Variants in TAFA1 observed in about 807,000 individuals in gnomAD.
The protein encoded by TAFA1 is TAFA chemokine like family member 1.
A neutral mutation model predicts 18.5 loss-of-function variants in TAFA1; 4 were observed. The ratio of observed to expected loss-of-function variants is 0.22; its 90% confidence interval spans 0.11 to 0.49. The LOEUF (loss-of-function observed/expected upper bound fraction) is 0.49. Ranked by LOEUF, TAFA1 falls within the 20% of genes least tolerant of loss-of-function variation. The pLI, the probability that TAFA1 is intolerant of heterozygous loss-of-function variation, is 0.98. For synonymous variants in TAFA1, 56 were observed against 55.2 expected (o/e 1.01, Z -0.06); for missense variants, 147 against 169.0 (o/e 0.87, Z 0.72).
In TAFA1 at chr3:68,312,208, C is replaced by T. The variant is rs762908828; in HGVS notation, c.119-105072C>T. ...GAACCACTTTTTCCTCCTAGGCCTT[C>T]GGGCCTGTGATAGGAGGGGCTGCCC... On this transcript the variant is annotated intron_variant, in intron 2 of 4. Coordinates refer to ENST00000478136, the MANE Select transcript of TAFA1 (RefSeq NM_213609.4). Among the ~76,000 whole-genome samples, 13 of 152,192 alleles carry T rather than the reference C, an allele frequency of 8.5e-5. 1 individual carries two copies. The Middle Eastern group carries it at 0.024, about 279-fold the overall frequency.
intron 2 of TAFA1, among the ~76,000 whole-genome samples, chr3:68,144,485 G>A (rs1461820907): frequency 1.3e-5 from 2 of 152,208 alleles, no homozygotes; most frequent in Non-Finnish European, 2.9e-5. Context: ...ACTCTCCACT[G>A]AACAGCTGTG....
intron 3 of TAFA1, among the ~76,000 whole-genome samples, chr3:68,493,575 G>A (rs974657215): frequency 2.6e-5 from 4 of 152,090 alleles, no homozygotes; most frequent in Admixed American, 6.5e-5. Context: ...TTCCACAGCA[G>A]GTGTCCTATT....
intron 2 of TAFA1, among the ~76,000 whole-genome samples, chr3:68,258,297 G>A (rs1318829459): frequency 8.5e-5 from 13 of 152,070 alleles, no homozygotes; most frequent in Admixed American, 7.9e-4. Context: ...CCTTTAAATG[G>A]CTACATTGGT....
chr3:68,368,137 C>T (rs184900233), intron 2 of TAFA1, among the ~76,000 whole-genome samples: 201 of 152,158 alleles, frequency 1.3e-3, no homozygotes, highest in Non-Finnish European at 2.2e-3. Flanking sequence ...TGTTCACATT[C>T]CCAAGTGAAA....
At chr3:68,314,378 G>A (rs2068571968) in intron 2 of TAFA1, among the ~76,000 whole-genome samples, 1 of 152,170 alleles carries the variant, frequency 6.6e-6, no homozygotes, top group Non-Finnish European at 1.5e-5. Flanking sequence ...CTTTGCTACA[G>A]AGTTACAGCA....
At chr3:68,193,504 C>T (rs1360180600) in intron 2 of TAFA1, among the ~76,000 whole-genome samples, 1 of 151,708 alleles carries the variant, frequency 6.6e-6, no homozygotes, top group African/African-American at 2.4e-5. Context: ...CTCCCCTTTT[C>T]ATGTATTGAT....
chr3:68,479,990 T>C (rs2072200213), intron 3 of TAFA1, among the ~76,000 whole-genome samples: 1 of 152,180 alleles, frequency 6.6e-6, no homozygotes, highest in South Asian at 2.1e-4. Context: ...TCTCTAAGAT[T>C]GGATTCTCTC....
intron 2 of TAFA1, among the ~76,000 whole-genome samples, chr3:68,208,094 G>A (rs1011929843): frequency 5.9e-5 from 9 of 151,858 alleles, no homozygotes; most frequent in African/African-American, 1.9e-4. Context: ...AGAAGATGAG[G>A]TTATTTTTTA....
At chr3:68,021,185 CAAAAAAAAAAA>C (rs10610707) in intron 2 of TAFA1, among the ~76,000 whole-genome samples, 1 of 56,090 alleles carries the variant, frequency 1.8e-5, no homozygotes, top group Non-Finnish European at 3.2e-5. Context: ...GACCCTGTCT[CAAAAAAAAAAA>C]AAAAAAAAAA....
intron 2 of TAFA1, among the ~76,000 whole-genome samples, chr3:68,210,069 G>A (rs756544125): frequency 1.3e-5 from 2 of 151,970 alleles, no homozygotes; most frequent in Admixed American, 6.6e-5. Context: ...GAGAGAAAGA[G>A]AAAAGGAGAA....
chr3:68,456,852 T>A (rs1449687574), intron 3 of TAFA1, among the ~76,000 whole-genome samples: 1 of 152,220 alleles, frequency 6.6e-6, no homozygotes, highest in Non-Finnish European at 1.5e-5. Context: ...CAACTGCAGC[T>A]GCAGACCTCA....
intron 2 of TAFA1, among the ~76,000 whole-genome samples, chr3:68,391,101 C>A (rs974665385): frequency 6.6e-6 from 1 of 152,168 alleles, no homozygotes; most frequent in East Asian, 1.9e-4. Context: ...TGCAAGGAAG[C>A]TAAGAACCTT....
intron 2 of TAFA1, among the ~76,000 whole-genome samples, chr3:68,325,357 CT>C (rs2068759814): frequency 1.3e-5 from 2 of 152,136 alleles, no homozygotes; most frequent in Non-Finnish European, 2.9e-5. Context: ...ATTATGTGAC[CT>C]TTGTGCTAGT....
At chr3:68,445,874 C>A (rs1406938843) in intron 3 of TAFA1, among the ~76,000 whole-genome samples, 1 of 152,072 alleles carries the variant, frequency 6.6e-6, no homozygotes, top group African/African-American at 2.4e-5. Flanking sequence ...TCTGGCCTAA[C>A]ATTTGTTGTT....
rs2073277732 is a variant in TAFA1 at position 68,536,302 on chromosome 3, G to T, written c.260-2454G>T. 2.6e-5 allele frequency among the ~76,000 whole-genome samples: 4 copies of T among 152,296 alleles called. No homozygotes were observed. The South Asian group carries it at 8.3e-4, about 32-fold the overall frequency. On this transcript the variant is annotated intron_variant, in intron 3 of 4. Coordinates refer to ENST00000478136, the MANE Select transcript of TAFA1 (RefSeq NM_213609.4). ...CTCTAGTGAATACTGGATAGAGAGA[G>T]AATTTTAATGTGCTCCTGCTTTGCT... is the stretch of plus-strand genomic sequence containing the variant.
intron 2 of TAFA1, among the ~76,000 whole-genome samples, chr3:68,081,824 G>T (rs756089943): frequency 2.6e-5 from 4 of 152,246 alleles, no homozygotes; most frequent in Non-Finnish European, 4.4e-5. Flanking sequence ...GCCTCCTTGA[G>T]CTGTGGTGGG....
intron 2 of TAFA1, among the ~76,000 whole-genome samples, chr3:68,052,147 G>T (rs2064478366): frequency 6.6e-6 from 1 of 151,996 alleles, no homozygotes; most frequent in African/African-American, 2.4e-5. Flanking sequence ...AATGCTTTCT[G>T]TACTGAATTT....
intron 2 of TAFA1, among the ~76,000 whole-genome samples, chr3:68,193,232 G>A (rs1347110728): frequency 6.6e-6 from 1 of 151,664 alleles, no homozygotes; most frequent in East Asian, 1.9e-4. Context: ...TTTAGGGAAT[G>A]GAATCTAGTA....
At chr3:68,030,188 CAACAGTAA>C (rs1704901867) in intron 2 of TAFA1, among the ~76,000 whole-genome samples, 1 of 151,870 alleles carries the variant, frequency 6.6e-6, no homozygotes, top group Admixed American at 6.6e-5. Flanking sequence ...AGTAATATCA[CAACAGTAA>C]AACACATTAT....
Sources: allele counts gnomAD v4.1 joint callset (sites outside exome capture counted in the v4.1 genomes callset), GRCh38; gene constraint gnomAD v4.1.1; transcripts MANE v1.5; gene names NCBI Gene and HGNC (gene_info 2026-07-23, HGNC 2026-07-21).